Variants in ZNF431 observed in about 807,000 individuals in gnomAD.
The protein encoded by ZNF431 is zinc finger protein 431.
In ZNF431, 34 loss-of-function variants were observed where a neutral mutation model predicts 57.0. That is an observed-to-expected ratio of 0.60 (90% CI 0.45 to 0.79). The LOEUF is 0.79. Among genes scored for constraint, ZNF431 ranks in the 30% least tolerant of loss-of-function variants. The pLI, the probability that ZNF431 is intolerant of heterozygous loss-of-function variation, is 0.00. For synonymous variants in ZNF431, 207 were observed against 220.3 expected (o/e 0.94, Z 0.54); for missense variants, 607 against 667.1 (o/e 0.91, Z 0.99).
chr19:21,159,837 A>G (rs1277294468), intron 2 of ZNF431, among the ~76,000 whole-genome samples: 2 of 152,064 alleles, frequency 1.3e-5, no homozygotes, highest in Non-Finnish European at 2.9e-5. Flanking sequence ...TACTAATTCA[A>G]TTTTGGAACT....
chr19:21,143,253 T>C lies in ZNF431; in HGVS notation c.4-298T>C, dbSNP rs534961883. Reference sequence around the variant, plus strand: ...TTTTTAAAAGATTTTTTAAAAAAAATATCTGTAAATATTTCCCATGAGAAG... The same window carrying C: ...TTTTTAAAAGATTTTTTAAAAAAAACATCTGTAAATATTTCCCATGAGAAG... On this transcript the variant is annotated intron_variant, in intron 1 of 4. Coordinates refer to ENST00000311048, the MANE Select transcript of ZNF431 (RefSeq NM_133473.4). 2.2e-4 allele frequency among the ~76,000 whole-genome samples: 34 copies of C among 151,378 alleles called. 1 individual carries two copies. The highest frequency in any genetic ancestry group is 7.3e-4 in the African/African-American group (30 of 40,918).
rs1276164228 is a variant in ZNF431 at position 21,183,236 on chromosome 19, T to G, written c.933T>G (p.Thr311=). 6 of 1,613,952 alleles carry G rather than the reference T, an allele frequency of 3.7e-6. No homozygotes were observed. In the Admixed American group the frequency reaches 8.3e-5, roughly 22 times the overall value. Residue 311 remains threonine (T), a synonymous_variant, in exon 5 of 5, where the codon ACT becomes ACG. Coordinates refer to ENST00000311048, the MANE Select transcript of ZNF431 (RefSeq NM_133473.4). The part of the protein sequence containing the change: ...SHLTTHKIIH[T]GEKPYKCEEC... ...TTACTACACATAAGATAATTCATAC[T>G]GGAGAGAAGCCCTACAAATGTGAAG...
At chr19:21,166,502 A>C in intron 3 of ZNF431, 41 bp downstream of exon 3, 2 of 1,551,174 alleles carry the variant, frequency 1.3e-6, no homozygotes, top group Admixed American at 4.5e-5. Context: ...TATGCCCTAA[A>C]TGTTTCATGT....
At chr19:21,155,201 G>A (rs1157631374) in intron 2 of ZNF431, among the ~76,000 whole-genome samples, 1 of 152,128 alleles carries the variant, frequency 6.6e-6, no homozygotes, top group Non-Finnish European at 1.5e-5. Context: ...TTTTGTATAA[G>A]GTGTAAGGAA....
intron 1 of ZNF431, 82 bp downstream of exon 1, chr19:21,142,268 C>A (rs1007189914): frequency 1.5e-5 from 24 of 1,587,738 alleles, no homozygotes; most frequent in South Asian, 3.3e-5. Context: ...GGGACTCAGG[C>A]CTCCCCGCAG....
chr19:21,143,468 G>C, intron 1 of ZNF431, 83 bp from the exon 2 acceptor site: 2 of 1,093,264 alleles, frequency 1.8e-6, no homozygotes, highest in Non-Finnish European at 2.8e-6. Flanking sequence ...AGTGCTGTCT[G>C]GGGATGAACT....
chr19:21,194,401 A>C lies in ZNF431; in HGVS notation c.*10367A>C, dbSNP rs1443144145. 1 of 152,236 alleles carries C rather than the reference A, an allele frequency of 6.6e-6. No homozygotes were observed. Among genetic ancestry groups the C allele is most frequent in the Non-Finnish European group, 1.5e-5 (1 of 68,034 alleles). 9.4% of individuals were successfully genotyped at this position (152,236 alleles called of 1,614,324 possible). A position where few individuals can be genotyped will look rare whatever the true frequency, so the allele number is the denominator to read the frequency against. ...TCTATGCTCATGGATTTGAAGAATG[A>C]ATAGAAAATGTCTATGCTGCCTAGA... is the stretch of plus-strand genomic sequence containing the variant. On this transcript the variant is annotated 3_prime_UTR_variant, in exon 5 of 5. Coordinates refer to ENST00000311048, the MANE Select transcript of ZNF431 (RefSeq NM_133473.4).
At position 21,182,925 on chromosome 19, in the gene ZNF431, A is replaced by G. The variant is rs968395546; in HGVS notation, c.622A>G (p.Lys208Glu). ...TGGAAAGAAACCTTTCAAATGTAAA[A>G]AATGTGGCAAATCATTTTGCATGCT... ...HTGKKPFKCK[K>E]CGKSFCMLLH... Residue 208 changes from lysine to glutamate, a missense_variant, in exon 5 of 5, where the codon AAA (lysine) becomes GAA (glutamate). By Grantham distance (56) the Lys-to-Glu change is moderately conservative. Coordinates refer to ENST00000311048, the MANE Select transcript of ZNF431 (RefSeq NM_133473.4). 5 of 1,613,968 alleles carry G rather than the reference A, an allele frequency of 3.1e-6. No homozygotes were observed. Among genetic ancestry groups the G allele is most frequent in the Non-Finnish European group, 4.2e-6 (5 of 1,179,976 alleles).
chr19:21,169,964 C>G (rs1970835660), intron 4 of ZNF431: 1 of 397,508 alleles, frequency 2.5e-6, no homozygotes, highest in African/African-American at 2.1e-5. Flanking sequence ...TAGACTGTAA[C>G]TGGGAGGAGT....
At position 21,164,946 on chromosome 19, in the gene ZNF431, A is replaced by G. The variant is rs145210165; in HGVS notation, c.97-1389A>G. Among the ~76,000 whole-genome samples, 11 of 151,330 alleles carry G rather than the reference A, an allele frequency of 7.3e-5. No homozygotes were observed. The East Asian group carries it at 2.1e-3, about 30-fold the overall frequency. ...ACCAAGATGGATAAACCCCGTCTCT[A>G]CTAAAAATACAAAATTAGACAGGCA... On this transcript the variant is annotated intron_variant, in intron 2 of 4. Coordinates refer to ENST00000311048, the MANE Select transcript of ZNF431 (RefSeq NM_133473.4).
At chr19:21,169,740 G>GGTTT (rs1970828508) in intron 4 of ZNF431, 1 of 398,340 alleles carries the variant, frequency 2.5e-6, no homozygotes, top group African/African-American at 2.1e-5. Flanking sequence ...GATGTGAATG[G>GGTTT]GTTTGCCTTT....
rs748180517 is a variant in ZNF431, at chr19:21,183,639, C to T, written c.1336C>T (p.His446Tyr). The T allele has an allele frequency of 1.2e-6, 2 of 1,613,440 alleles. No homozygotes were observed. Among genetic ancestry groups the T allele is most frequent in the Non-Finnish European group, 1.7e-6 (2 of 1,179,938 alleles). The stretch of plus-strand genomic sequence containing the variant: ...TAACCGGTCCCCACAACTTACTGCA[C>T]ATAAGATAATTCATACTGGAGAGAA... The part of the protein sequence containing the change: ...AFNRSPQLTA[H>Y]KIIHTGEKPY... Residue 446 changes from histidine to tyrosine, a missense_variant, in exon 5 of 5, where the codon CAT (histidine) becomes TAT (tyrosine). His to Tyr is a moderately conservative substitution (Grantham distance 83, BLOSUM62 2). Transcript: ENST00000311048.
At chr19:21,142,595 T>C (rs1358444593) in intron 1 of ZNF431, among the ~76,000 whole-genome samples, 3 of 151,940 alleles carry the variant, frequency 2.0e-5, no homozygotes, top group Non-Finnish European at 2.9e-5. Flanking sequence ...TATATGGGAG[T>C]CACTATAAAA....
Position 21,143,522 on chromosome 19 carries a change from A to G in ZNF431, c.4-29A>G, listed in dbSNP as rs572159566. 9.3e-4 allele frequency: 1,468 copies of G among 1,571,214 alleles called. 24 individuals carry two copies. The South Asian group carries it at 0.015, about 16-fold the overall frequency. ...ATGTCAGCTAAAGTGCCTAGTGAAT[A>G]TCAGCTTCTGGTTTATTTTCTTCCA... On this transcript the variant is annotated intron_variant, in intron 1 of 4. Coordinates refer to ENST00000311048, the MANE Select transcript of ZNF431 (RefSeq NM_133473.4).
chr19:21,165,663 A>G (rs1970700567), intron 2 of ZNF431, among the ~76,000 whole-genome samples: 1 of 152,024 alleles, frequency 6.6e-6, no homozygotes, highest in Non-Finnish European at 1.5e-5. Flanking sequence ...GCTAATGTGC[A>G]TAAACCATCA....
In ZNF431 at chr19:21,157,360, A is replaced by G. The variant is rs183699340; in HGVS notation, c.97-8975A>G. On this transcript the variant is annotated intron_variant, in intron 2 of 4. Transcript: ENST00000311048. ...GCCATGGGATTATTGTATGCAGCCT[A>G]TTATTGACTTTCTAATTACAGCCAT... Among the ~76,000 whole-genome samples the G allele has an allele frequency of 5.3e-4, 81 of 152,026 alleles. 1 individual carries two copies. The East Asian group carries it at 0.015, about 29-fold the overall frequency.
chr19:21,143,562 A>G lies in ZNF431; in HGVS notation c.15A>G (p.Lys5=). 3.1e-6 allele frequency: 5 copies of G among 1,613,650 alleles called. No homozygotes were observed. The highest frequency in any genetic ancestry group is 4.2e-6 in the Non-Finnish European group (5 of 1,179,572). MDDL[K]YGVYPLKEAS... ...ATTTTCTTCCATAGGACGACTTGAA[A>G]TATGGAGTGTATCCTCTCAAGGAAG... Residue 5 remains lysine, a synonymous_variant, in exon 2 of 5, where the codon AAA becomes AAG. Coordinates refer to ENST00000311048, the MANE Select transcript of ZNF431 (RefSeq NM_133473.4).
chr19:21,164,439 A>G (rs1970662065), intron 2 of ZNF431, among the ~76,000 whole-genome samples: 1 of 152,134 alleles, frequency 6.6e-6, no homozygotes, highest in African/African-American at 2.4e-5. Flanking sequence ...TCCATGGAGC[A>G]GCTCATTTTT....
In ZNF431 at chr19:21,182,922, A is replaced by G. The variant is rs769312447; in HGVS notation, c.619A>G (p.Lys207Glu). 4 of 1,614,104 alleles carry G rather than the reference A, an allele frequency of 2.5e-6. No individual in the cohort carries two copies. Among genetic ancestry groups the G allele is most frequent in the Non-Finnish European group, 3.4e-6 (4 of 1,179,964 alleles). The change falls in exon 5 of 5, where the codon AAA becomes GAA. Residue 207 changes from lysine (K) to glutamate (E), a missense_variant. By Grantham distance (56) the Lys-to-Glu change is moderately conservative. Coordinates refer to ENST00000311048, the MANE Select transcript of ZNF431 (RefSeq NM_133473.4). Reference protein sequence around the residue: ...RHTGKKPFKCKKCGKSFCMLL... With the variant: ...RHTGKKPFKCEKCGKSFCMLL... ...TACTGGAAAGAAACCTTTCAAATGT[A>G]AAAAATGTGGCAAATCATTTTGCAT...
Sources: allele counts gnomAD v4.1 joint callset (sites outside exome capture counted in the v4.1 genomes callset), GRCh38; gene constraint gnomAD v4.1.1; transcripts MANE v1.5; gene names NCBI Gene and HGNC (gene_info 2026-07-23, HGNC 2026-07-21).